Variants in STARD13 observed in about 807,000 individuals in gnomAD.
STARD13 encodes the protein stAR-related lipid transfer protein 13.
In STARD13, 62 loss-of-function variants were observed where a neutral mutation model predicts 106.4. That is an observed-to-expected ratio of 0.58 (90% CI 0.48 to 0.72). STARD13 has a LOEUF of 0.72. Among genes scored for constraint, STARD13 ranks in the 30% least tolerant of loss-of-function variants. The pLI, the probability that STARD13 is intolerant of heterozygous loss-of-function variation, is 0.00. For missense variants in STARD13, 1,387 were observed against 1,424.0 expected, an observed-to-expected ratio of 0.97 and a Z score of 0.42; for synonymous variants, 565 against 553.0, an observed-to-expected ratio of 1.02 and a Z score of -0.31.
intron 1 of STARD13, among the ~76,000 whole-genome samples, chr13:33,320,712 G>A (rs1893527819): frequency 6.6e-6 from 1 of 152,032 alleles, no homozygotes; most frequent in Non-Finnish European, 1.5e-5. Flanking sequence ...TCTTGCACTG[G>A]TACTCCCAGC....
the STARD13 span, among the ~76,000 whole-genome samples, chr13:33,659,470 T>A: frequency 0.83 from 125,920 of 152,084 alleles, 53,873 homozygotes; most frequent in South Asian, 0.96. Flanking sequence ...CGCCTTGGCC[T>A]CCCAGAGTGC....
rs144725867 is a variant in STARD13 at position 33,134,316 on chromosome 13, G to T, written c.388-4027C>A. Among the ~76,000 whole-genome samples, 481 of 152,304 alleles carry T rather than the reference G, an allele frequency of 3.2e-3. 5 individuals carry two copies. The highest frequency in any genetic ancestry group is 0.011 in the African/African-American group (459 of 41,554). ...GCCAAAAAAACTCATAATGTTTTAA[G>T]AAAGTTTATGAATTTGTGTTGGGGC... On this transcript the variant is annotated intron_variant, in intron 4 of 13. Coordinates refer to ENST00000336934, the MANE Select transcript of STARD13 (RefSeq NM_178006.4).
At chr13:33,559,922 C>T in the STARD13 span, among the ~76,000 whole-genome samples, 5 of 151,536 alleles carry the variant, frequency 3.3e-5, no homozygotes, top group Non-Finnish European at 7.3e-5. Flanking sequence ...AAGTAGTCAG[C>T]AAGGCAGGAA....
At chr13:33,466,022 G>C in the STARD13 span, among the ~76,000 whole-genome samples, 29 of 151,896 alleles carry the variant, frequency 1.9e-4, no homozygotes, top group African/African-American at 6.5e-4. Flanking sequence ...TTATCTCTCC[G>C]AGCCTAGGTT....
the STARD13 span, among the ~76,000 whole-genome samples, chr13:33,389,408 T>C: frequency 6.6e-6 from 1 of 152,150 alleles, no homozygotes; most frequent in African/African-American, 2.4e-5. Context: ...TGGGAGGAAC[T>C]GTGGTGGAGG....
At chr13:33,336,048 C>T (rs2077893912) in intron 1 of STARD13, among the ~76,000 whole-genome samples, 1 of 152,208 alleles carries the variant, frequency 6.6e-6, no homozygotes. Flanking sequence ...GAGCTACATG[C>T]TAGGGCAGCT....
At chr13:33,173,706 G>A (rs1394914215) in intron 1 of STARD13, among the ~76,000 whole-genome samples, 2 of 152,102 alleles carry the variant, frequency 1.3e-5, no homozygotes, top group Non-Finnish European at 2.9e-5. Flanking sequence ...ATGAATTTGG[G>A]ATTATTAATC....
Position 33,325,056 on chromosome 13 carries a change from A to G in STARD13, c.124+25234T>C, listed in dbSNP as rs140528093. ...ATATTGTGCATGTGTGCATATATAT[A>G]TATATAAATAATCTTTTGAGGACGT... On this transcript the variant is annotated intron_variant, in intron 1 of 5. Transcript: ENST00000567873. Among the ~76,000 whole-genome samples, 12 of 152,282 alleles carry G rather than the reference A, an allele frequency of 7.9e-5. No individual in the cohort carries two copies. The East Asian group carries it at 2.3e-3, about 29-fold the overall frequency.
the STARD13 span, among the ~76,000 whole-genome samples, chr13:33,461,446 T>A: frequency 6.6e-6 from 1 of 152,160 alleles, no homozygotes; most frequent in Non-Finnish European, 1.5e-5. Flanking sequence ...TTATTAGCAC[T>A]CCATTTAACA....
chr13:33,625,903 T>C, the STARD13 span, among the ~76,000 whole-genome samples: 1 of 152,128 alleles, frequency 6.6e-6, no homozygotes, highest in African/African-American at 2.4e-5. Flanking sequence ...GGTTTCACCA[T>C]GTTGGCTAGG....
At chr13:33,382,479 A>T in the STARD13 span, among the ~76,000 whole-genome samples, 1 of 152,246 alleles carries the variant, frequency 6.6e-6, no homozygotes, top group Admixed American at 6.5e-5. Context: ...AAGTTTATTT[A>T]TGTGGTTATT....
chr13:33,116,624 C>G (rs1306830480), intron 8 of STARD13, among the ~76,000 whole-genome samples: 1 of 152,210 alleles, frequency 6.6e-6, no homozygotes, highest in Non-Finnish European at 1.5e-5. Context: ...AGACTAGTGT[C>G]AACTTTAATC....
the STARD13 span, among the ~76,000 whole-genome samples, chr13:33,627,249 G>A: frequency 3.3e-5 from 5 of 152,350 alleles, no homozygotes; most frequent in Middle Eastern, 3.4e-3. Flanking sequence ...TACTATGTGT[G>A]TAGCATAGTG....
intron 1 of STARD13, among the ~76,000 whole-genome samples, chr13:33,196,876 TA>T (rs1264075161): frequency 2.6e-5 from 4 of 152,234 alleles, no homozygotes; most frequent in African/African-American, 9.6e-5. Flanking sequence ...TGAACTAGTG[TA>T]AAATTGTCTG....
intron 1 of STARD13, among the ~76,000 whole-genome samples, chr13:33,274,939 C>T (rs1282462136): frequency 6.6e-6 from 1 of 152,130 alleles, no homozygotes; most frequent in African/African-American, 2.4e-5. Flanking sequence ...ACAGCCCTTT[C>T]CTCCAGCACT....
At chr13:33,495,664 T>C in the STARD13 span, among the ~76,000 whole-genome samples, 9 of 151,752 alleles carry the variant, frequency 5.9e-5, no homozygotes, top group Non-Finnish European at 1.2e-4. Flanking sequence ...AGGAGCATGG[T>C]TTTGAATTGT....
intron 1 of STARD13, among the ~76,000 whole-genome samples, chr13:33,317,837 A>C (rs1267191548): frequency 6.6e-6 from 1 of 152,214 alleles, no homozygotes; most frequent in Non-Finnish European, 1.5e-5. Context: ...AAGTTTTTCC[A>C]GAATGAATGG....
the STARD13 span, among the ~76,000 whole-genome samples, chr13:33,405,230 T>C: frequency 6.6e-6 from 1 of 152,178 alleles, no homozygotes; most frequent in East Asian, 1.9e-4. Flanking sequence ...TTGGGAAGGG[T>C]GAGCCAGAAA....
chr13:33,112,536 T>A (rs577602216), intron 9 of STARD13, among the ~76,000 whole-genome samples, 185 bp downstream of exon 9: 1 of 152,360 alleles, frequency 6.6e-6, no homozygotes, highest in South Asian at 2.1e-4. Flanking sequence ...CTATCATCTA[T>A]GTATCAACTA....
Sources: gnomAD v4.1 joint callset for allele counts (sites outside exome capture counted in the v4.1 genomes callset) on GRCh38, gnomAD v4.1.1 for gene constraint, MANE v1.5 for transcripts, NCBI Gene and HGNC (gene_info 2026-07-23, HGNC 2026-07-21) for gene names.